The following CHODL variants were observed in gnomAD, a reference collection of about 807,000 sequenced individuals.
CHODL encodes chondrolectin.
CHODL carries 29 observed loss-of-function variants against 34.5 expected under a neutral mutation model. That is an observed-to-expected ratio of 0.84 (90% CI 0.63 to 1.15). CHODL has a LOEUF of 1.15. Ranked by LOEUF, CHODL falls within the 50% of genes most tolerant of loss-of-function variation. The probability of loss-of-function intolerance (pLI) is 0.00; values close to 1 mark genes in which losing one functional copy is unlikely to be tolerated. For synonymous variants in CHODL, 125 were observed against 116.1 expected, an observed-to-expected ratio of 1.08 and a Z score of -0.49; for missense variants, 332 against 332.5, an observed-to-expected ratio of 1.00 and a Z score of 0.01.
chr21:18,129,195 A>G (rs1216264599), intron 2 of CHODL, among the ~76,000 whole-genome samples: 3 of 152,158 alleles, frequency 2.0e-5, no homozygotes, highest in Admixed American at 1.3e-4. Context: ...CATATAAAAC[A>G]TACTCAGAAT....
At chr21:18,159,751 G>A (rs1051776295) in intron 2 of CHODL, among the ~76,000 whole-genome samples, 2 of 152,124 alleles carry the variant, frequency 1.3e-5, no homozygotes, top group African/African-American at 2.4e-5. Context: ...AACCATGTGA[G>A]TCCTTAAAAA....
At chr21:18,027,495 C>T (rs554405813) in intron 1 of CHODL, among the ~76,000 whole-genome samples, 31 of 152,198 alleles carry the variant, frequency 2.0e-4, no homozygotes, top group African/African-American at 7.0e-4. Context: ...ATGACTTAAA[C>T]TTTGGCATGA....
At chr21:18,114,968 A>C (rs553737801) in intron 2 of CHODL, 1 of 152,250 alleles carries the variant, frequency 6.6e-6, no homozygotes, top group African/African-American at 2.4e-5. Context: ...TAGCAGAAGA[A>C]TTGCCAGACT....
chr21:18,088,784 T>C (rs2065037990), intron 2 of CHODL, among the ~76,000 whole-genome samples: 1 of 152,246 alleles, frequency 6.6e-6, no homozygotes, highest in Non-Finnish European at 1.5e-5. Flanking sequence ...CTGCATCCAG[T>C]AAGCCACCTT....
chr21:18,248,681 T>A lies in CHODL; in HGVS notation c.79+3379T>A, dbSNP rs1199939054. 5.2e-4 allele frequency among the ~76,000 whole-genome samples: 64 copies of A among 124,252 alleles called. 1 individual carries two copies. Among genetic ancestry groups the A allele is most frequent in the Admixed American group, 2.8e-4 (3 of 10,632 alleles). The allele number at this position is 124,252 out of a possible 152,430, so 81.5% of individuals were successfully genotyped here. A position where few individuals can be genotyped will look rare whatever the true frequency, so the allele number is the denominator to read the frequency against. ...CATATATATGTATAATACATATATG[T>A]ATATATTATATACATATATATGTAT... On this transcript the variant is annotated intron_variant, in intron 1 of 5. Coordinates refer to ENST00000299295, the MANE Select transcript of CHODL (RefSeq NM_024944.3).
intron 2 of CHODL, among the ~76,000 whole-genome samples, chr21:18,223,731 C>T (rs958809991): frequency 6.6e-6 from 1 of 152,122 alleles, no homozygotes; most frequent in African/African-American, 2.4e-5. Flanking sequence ...GGCTACTTTA[C>T]CCACATCTGA....
chr21:18,087,685 C>T (rs1399986495), intron 2 of CHODL, among the ~76,000 whole-genome samples: 1 of 152,024 alleles, frequency 6.6e-6, no homozygotes. Flanking sequence ...AGGGATCCTC[C>T]CAGGTAAGCA....
chr21:17,931,304 G>A (rs898580942), intron 1 of CHODL, among the ~76,000 whole-genome samples: 1 of 152,114 alleles, frequency 6.6e-6, no homozygotes, highest in Admixed American at 6.6e-5. Flanking sequence ...TGCAAAGCCC[G>A]ATACAAAACA....
At chr21:18,219,918 G>T (rs570309203) in intron 2 of CHODL, among the ~76,000 whole-genome samples, 4 of 152,106 alleles carry the variant, frequency 2.6e-5, no homozygotes. Flanking sequence ...GTACTGTGCT[G>T]AAGCATTTTA....
At chr21:18,183,942 T>G (rs2073411273) in intron 2 of CHODL, among the ~76,000 whole-genome samples, 1 of 152,196 alleles carries the variant, frequency 6.6e-6, no homozygotes, top group Non-Finnish European at 1.5e-5. Flanking sequence ...TGAAAACACA[T>G]TCCCCATGAC....
chr21:18,244,098 A>G (rs2074107588), upstream of CHODL, among the ~76,000 whole-genome samples: 1 of 152,214 alleles, frequency 6.6e-6, no homozygotes, highest in Admixed American at 6.5e-5. Flanking sequence ...TCAGGTTATG[A>G]AAAATGCAGG....
At chr21:17,972,947 T>A (rs1350590396) in intron 1 of CHODL, among the ~76,000 whole-genome samples, 2 of 152,112 alleles carry the variant, frequency 1.3e-5, no homozygotes, top group African/African-American at 4.8e-5. Context: ...AACAGATATA[T>A]AGATCAATGA....
intron 1 of CHODL, among the ~76,000 whole-genome samples, chr21:18,017,287 G>A (rs2064084598): frequency 6.6e-6 from 1 of 152,332 alleles, no homozygotes; most frequent in South Asian, 2.1e-4. Flanking sequence ...GTGGGGCCTC[G>A]TGGGAGGTAA....
intron 2 of CHODL, among the ~76,000 whole-genome samples, chr21:18,223,318 T>G (rs1246149715): frequency 6.6e-6 from 1 of 152,202 alleles, no homozygotes; most frequent in Non-Finnish European, 1.5e-5. Flanking sequence ...AATTATAAAA[T>G]TAAATTAATT....
chr21:18,198,801 G>T (rs187560054), intron 2 of CHODL, among the ~76,000 whole-genome samples: 2 of 152,238 alleles, frequency 1.3e-5, no homozygotes, highest in East Asian at 3.9e-4. Flanking sequence ...GTTACATTCT[G>T]TGGCTCTGGA....
chr21:17,999,207 C>G (rs1019556756), intron 1 of CHODL, among the ~76,000 whole-genome samples: 1 of 152,240 alleles, frequency 6.6e-6, no homozygotes, highest in Admixed American at 6.5e-5. Context: ...ATCACCTTTG[C>G]TGCAGTTCCC....
intron 1 of CHODL, among the ~76,000 whole-genome samples, chr21:18,014,858 AG>A (rs1175244730): frequency 2.6e-5 from 4 of 152,228 alleles, no homozygotes; most frequent in Non-Finnish European, 5.9e-5. Flanking sequence ...GCCAAGGCTG[AG>A]GTATTTCTTT....
chr21:18,026,446 CTT>C (rs2064176345), intron 1 of CHODL, among the ~76,000 whole-genome samples: 1 of 152,182 alleles, frequency 6.6e-6, no homozygotes, highest in Non-Finnish European at 1.5e-5. Context: ...GTTCGACAAG[CTT>C]GGATCACTTT....
intron 2 of CHODL, among the ~76,000 whole-genome samples, chr21:18,048,100 G>C (rs2064467240): frequency 6.6e-6 from 1 of 151,906 alleles, no homozygotes; most frequent in African/African-American, 2.4e-5. Context: ...TATGGAAACT[G>C]TTAATGAAGG....
Sources: gnomAD v4.1 joint callset for allele counts (sites outside exome capture counted in the v4.1 genomes callset) on GRCh38, gnomAD v4.1.1 for gene constraint, MANE v1.5 for transcripts, NCBI Gene and HGNC (gene_info 2026-07-23, HGNC 2026-07-21) for gene names.